Variants in ANKRD30BL observed in about 807,000 individuals in gnomAD.
The protein encoded by ANKRD30BL is putative ankyrin repeat domain-containing protein 30B-like.
Under a neutral mutation model 18.4 loss-of-function variants are expected in ANKRD30BL, and 20 were observed. That is an observed-to-expected ratio of 1.09 (90% confidence interval 0.77 to 1.58). The LOEUF (loss-of-function observed/expected upper bound fraction) is 1.58. Ranked by LOEUF, ANKRD30BL falls within the 40% of genes most tolerant of loss-of-function variation. The probability of loss-of-function intolerance (pLI) is 0.00; values close to 1 mark genes in which losing one functional copy is unlikely to be tolerated. For missense variants in ANKRD30BL, 224 were observed against 268.6 expected (o/e 0.83, Z 1.16); for synonymous variants, 72 against 100.9 (o/e 0.71, Z 1.72).
At chr2:132,236,420 A>G (rs945309999) in intron 1 of ANKRD30BL, among the ~76,000 whole-genome samples, 5 of 152,132 alleles carry the variant, frequency 3.3e-5, no homozygotes, top group Admixed American at 6.6e-5. Flanking sequence ...ACTCAAACAA[A>G]TTTACAAGAA....
At chr2:132,248,753 C>T (rs1206286076) in intron 1 of ANKRD30BL, among the ~76,000 whole-genome samples, 2 of 151,840 alleles carry the variant, frequency 1.3e-5, no homozygotes, top group Non-Finnish European at 2.9e-5. Flanking sequence ...AACAGCTTCT[C>T]AGAAACATTC....
chr2:132,252,393 G>A (rs978652910), intron 1 of ANKRD30BL, among the ~76,000 whole-genome samples: 3 of 152,224 alleles, frequency 2.0e-5, no homozygotes, highest in African/African-American at 7.2e-5. Flanking sequence ...GCTGGCGGTG[G>A]GCACACGATG....
intron 1 of ANKRD30BL, among the ~76,000 whole-genome samples, chr2:132,254,269 A>T (rs76831797): frequency 6.6e-6 from 1 of 150,804 alleles, no homozygotes; most frequent in African/African-American, 2.4e-5. Flanking sequence ...GACTCCGCCC[A>T]TGCATGCGCC....
chr2:132,241,228 C>A (rs75090516), intron 1 of ANKRD30BL, among the ~76,000 whole-genome samples: 1 of 150,578 alleles, frequency 6.6e-6, no homozygotes. Context: ...GATGTGTGTA[C>A]TCAACTCACA....
intron 1 of ANKRD30BL, among the ~76,000 whole-genome samples, chr2:132,238,063 CT>C (rs1277803867): frequency 6.6e-6 from 1 of 151,840 alleles, no homozygotes; most frequent in Non-Finnish European, 1.5e-5. Context: ...TTTTGAAACA[CT>C]TTTTTTGTAG....
intron 1 of ANKRD30BL, among the ~76,000 whole-genome samples, chr2:132,253,796 G>A (rs1454539884): frequency 6.6e-6 from 1 of 152,020 alleles, no homozygotes; most frequent in Non-Finnish European, 1.5e-5. Flanking sequence ...GGATGGCGGG[G>A]GCGGATGAGG....
At chr2:132,194,219 G>T (rs1231826617) in intron 1 of ANKRD30BL, among the ~76,000 whole-genome samples, 2 of 152,088 alleles carry the variant, frequency 1.3e-5, no homozygotes, top group Non-Finnish European at 1.5e-5. Flanking sequence ...CTTTTCTAAG[G>T]TTCCCCTTGG....
At chr2:132,161,323 C>A (rs183842205) in intron 1 of ANKRD30BL, among the ~76,000 whole-genome samples, 165 bp downstream of exon 1, 2,272 of 152,150 alleles carry the variant, frequency 0.015, 50 homozygotes, top group African/African-American at 0.051. Context: ...GGGACCTGCC[C>A]GGGAAGAAGG....
chr2:132,206,167 A>AAAGAG (rs1006095163), intron 1 of ANKRD30BL, among the ~76,000 whole-genome samples: 1 of 152,196 alleles, frequency 6.6e-6, no homozygotes, highest in Non-Finnish European at 1.5e-5. Flanking sequence ...AGAGAAAAGA[A>AAAGAG]AAGAGAAGAG....
Position 132,161,798 on chromosome 2 carries a change from C to T in ANKRD30BL, c.-93G>A, listed in dbSNP as rs541978072. ...CGCCCTCGCCCTTCTTCAGTCCCTG[C>T]ATCCGCCCTGACAAGACTAGAAATC... On this transcript the variant is annotated 5_prime_UTR_variant, in exon 1 of 6. An upstream start codon of the reference 5' UTR is lost. Transcript: ENST00000409867. 8.9e-6 allele frequency: 6 copies of T among 673,234 alleles called. No individual in the cohort carries two copies. The South Asian group carries it at 1.1e-4, about 12-fold the overall frequency. 41.7% of individuals were successfully genotyped at this position (673,234 alleles called of 1,614,324 possible). A position where few individuals can be genotyped will look rare whatever the true frequency, so the allele number is the denominator to read the frequency against.
chr2:132,212,172 G>C (rs1223578703), intron 1 of ANKRD30BL, among the ~76,000 whole-genome samples: 1 of 151,632 alleles, frequency 6.6e-6, no homozygotes, highest in Non-Finnish European at 1.5e-5. Context: ...TTATTTAGCT[G>C]CTTTCAAATA....
chr2:132,255,815 C>T (rs77072669), intron 1 of ANKRD30BL, among the ~76,000 whole-genome samples: 4 of 152,108 alleles, frequency 2.6e-5, no homozygotes, highest in South Asian at 2.1e-4. Flanking sequence ...ATAGGCACAG[C>T]GACTACCATA....
At chr2:132,175,922 C>T (rs1178037085) in intron 1 of ANKRD30BL, among the ~76,000 whole-genome samples, 2 of 152,138 alleles carry the variant, frequency 1.3e-5, no homozygotes, top group African/African-American at 4.8e-5. Context: ...GGCAAAGTTA[C>T]AGATTAACAG....
chr2:132,174,726 T>A (rs1309664895), intron 1 of ANKRD30BL, among the ~76,000 whole-genome samples: 1 of 152,218 alleles, frequency 6.6e-6, no homozygotes, highest in Non-Finnish European at 1.5e-5. Flanking sequence ...AGAAGTAACT[T>A]CTATCTCTTT....
intron 1 of ANKRD30BL, among the ~76,000 whole-genome samples, chr2:132,220,598 G>A (rs996862599): frequency 7.9e-5 from 12 of 151,918 alleles, no homozygotes; most frequent in South Asian, 2.1e-4. Context: ...GCTCCTAACC[G>A]CGAGTGATCC....
intron 1 of ANKRD30BL, among the ~76,000 whole-genome samples, chr2:132,210,012 G>C (rs75620560): frequency 6.7e-6 from 1 of 150,202 alleles, no homozygotes; most frequent in East Asian, 2.0e-4. Context: ...GCTCAATGGT[G>C]GAAAAGGAAG....
chr2:132,236,357 A>C (rs1253343507), intron 1 of ANKRD30BL, among the ~76,000 whole-genome samples: 1 of 152,146 alleles, frequency 6.6e-6, no homozygotes, highest in East Asian at 1.9e-4. Flanking sequence ...ATGGGAGAAC[A>C]TTTTTGCAAC....
chr2:132,201,417 A>G (rs1298968017), intron 1 of ANKRD30BL, among the ~76,000 whole-genome samples: 1 of 152,204 alleles, frequency 6.6e-6, no homozygotes, highest in African/African-American at 2.4e-5. Context: ...ACTAATATCC[A>G]GAATCTACAA....
At chr2:132,245,045 A>G (rs1680456211) in intron 1 of ANKRD30BL, among the ~76,000 whole-genome samples, 1 of 152,294 alleles carries the variant, frequency 6.6e-6, no homozygotes, top group Non-Finnish European at 1.5e-5. Flanking sequence ...GTTCTTGTAG[A>G]ATTTACAACT....
Sources: gnomAD v4.1 joint callset for allele counts (sites outside exome capture counted in the v4.1 genomes callset) on GRCh38, gnomAD v4.1.1 for gene constraint, MANE v1.5 for transcripts, NCBI Gene and HGNC (gene_info 2026-07-23, HGNC 2026-07-21) for gene names.